PDGFD: variants seen among roughly 807,000 people sequenced by gnomAD.
PDGFD encodes the protein platelet derived growth factor D.
PDGFD carries 30 observed loss-of-function variants against 44.7 expected under a neutral mutation model. The observed-to-expected ratio is 0.67, with a 90% CI of 0.50 to 0.91. The LOEUF is 0.91. PDGFD is among the 40% of genes least tolerant of loss of function. The pLI is 0.00. For synonymous variants in PDGFD, 173 were observed against 168.4 expected (o/e 1.03, Z -0.21); for missense variants, 445 against 457.8 (o/e 0.97, Z 0.25).
intron 3 of PDGFD, among the ~76,000 whole-genome samples, chr11:103,950,571 AAAAT>A (rs112585777): frequency 9.2e-4 from 134 of 146,184 alleles, no homozygotes; most frequent in Non-Finnish European, 1.4e-3. Context: ...CTCAAAAGAA[AAAAT>A]AAATAAATAA....
At chr11:104,096,644 G>A (rs1452729699) in intron 1 of PDGFD, among the ~76,000 whole-genome samples, 2 of 152,124 alleles carry the variant, frequency 1.3e-5, no homozygotes, top group African/African-American at 4.8e-5. Context: ...TGTTACAGGT[G>A]TCTTATTACA....
chr11:104,095,721 T>C (rs1861275719), intron 1 of PDGFD, among the ~76,000 whole-genome samples: 2 of 152,208 alleles, frequency 1.3e-5, no homozygotes, highest in Admixed American at 1.3e-4. Context: ...TAGAAAAGTC[T>C]ATCATCTCTG....
At chr11:104,104,477 T>C (rs1307007086) in intron 1 of PDGFD, among the ~76,000 whole-genome samples, 2 of 152,156 alleles carry the variant, frequency 1.3e-5, no homozygotes, top group Non-Finnish European at 2.9e-5. Context: ...GTAACCACTG[T>C]ATATCTTTTA....
intron 1 of PDGFD, among the ~76,000 whole-genome samples, chr11:104,121,635 A>T (rs2134463905): frequency 6.6e-6 from 1 of 152,186 alleles, no homozygotes; most frequent in Admixed American, 6.6e-5. Context: ...AATAGACATA[A>T]AGTTAATCTT....
intron 4 of PDGFD, among the ~76,000 whole-genome samples, chr11:103,944,826 G>A (rs1329304991): frequency 2.0e-5 from 3 of 152,126 alleles, no homozygotes. Flanking sequence ...AGGCTTTAAA[G>A]CATTAATCTA....
chr11:104,063,675 G>A (rs899837130), intron 1 of PDGFD, among the ~76,000 whole-genome samples: 2 of 152,130 alleles, frequency 1.3e-5, no homozygotes, highest in African/African-American at 4.8e-5. Context: ...GAAGGTAAAG[G>A]GGAAGCAAGG....
intron 1 of PDGFD, among the ~76,000 whole-genome samples, chr11:104,012,814 G>C (rs1327954679): frequency 6.6e-6 from 1 of 152,158 alleles, no homozygotes. Flanking sequence ...GTAATATTTA[G>C]AGCTATGCAG....
intron 1 of PDGFD, among the ~76,000 whole-genome samples, chr11:104,131,479 C>A (rs1861918512): frequency 6.6e-6 from 1 of 151,896 alleles, no homozygotes; most frequent in South Asian, 2.1e-4. Context: ...TATTTGTTTA[C>A]TATTTCCCCC....
At chr11:103,950,953 A>C (rs1404576371) in intron 3 of PDGFD, among the ~76,000 whole-genome samples, 1 of 152,190 alleles carries the variant, frequency 6.6e-6, no homozygotes, top group African/African-American at 2.4e-5. Context: ...TATTTTGCTA[A>C]GATTTTTTTA....
chr11:104,118,249 G>C (rs1163549331), intron 1 of PDGFD, among the ~76,000 whole-genome samples: 3 of 151,638 alleles, frequency 2.0e-5, no homozygotes, highest in South Asian at 2.1e-4. Flanking sequence ...CATGAGAGTG[G>C]AGCCCTCATG....
chr11:104,101,440 A>G (rs960177141), intron 1 of PDGFD, among the ~76,000 whole-genome samples: 1 of 152,204 alleles, frequency 6.6e-6, no homozygotes, highest in African/African-American at 2.4e-5. Context: ...CCACTGCTCA[A>G]TGAAATAAAA....
At chr11:104,080,748 A>G (rs1861033248) in intron 1 of PDGFD, among the ~76,000 whole-genome samples, 1 of 152,208 alleles carries the variant, frequency 6.6e-6, no homozygotes, top group African/African-American at 2.4e-5. Context: ...TGAATAGTGA[A>G]TAAGTTGAAA....
At chr11:104,016,362 T>C (rs1859858166) in intron 1 of PDGFD, among the ~76,000 whole-genome samples, 1 of 152,202 alleles carries the variant, frequency 6.6e-6, no homozygotes, top group Non-Finnish European at 1.5e-5. Context: ...AGAAAAGGCC[T>C]TTCTTGACAT....
intron 1 of PDGFD, among the ~76,000 whole-genome samples, chr11:104,063,113 T>C (rs1202421763): frequency 6.6e-6 from 1 of 152,124 alleles, no homozygotes; most frequent in Non-Finnish European, 1.5e-5. Context: ...TGCTGCTAAA[T>C]AGTACAGAAT....
chr11:104,085,023 C>T (rs191714295), intron 1 of PDGFD, among the ~76,000 whole-genome samples: 120 of 150,276 alleles, frequency 8.0e-4, no homozygotes, highest in African/African-American at 2.6e-3. Context: ...TCTTACATAA[C>T]CATAGTATAT....
intron 3 of PDGFD, among the ~76,000 whole-genome samples, chr11:103,971,935 A>G (rs1339266347): frequency 1.3e-5 from 2 of 152,220 alleles, no homozygotes; most frequent in African/African-American, 2.4e-5. Context: ...AGGGAGGATT[A>G]TAGAAGAAAA....
chr11:104,082,394 C>T (rs928529150), intron 1 of PDGFD, among the ~76,000 whole-genome samples: 4 of 151,706 alleles, frequency 2.6e-5, no homozygotes, highest in Non-Finnish European at 4.4e-5. Flanking sequence ...TTGAAATTGG[C>T]CTTGAAGAAA....
At chr11:104,117,773 G>A (rs1861663652) in intron 1 of PDGFD, among the ~76,000 whole-genome samples, 1 of 151,868 alleles carries the variant, frequency 6.6e-6, no homozygotes, top group Non-Finnish European at 1.5e-5. Context: ...GTTCATGGAT[G>A]CGTACAATCA....
chr11:104,060,418 T>C (rs1860694346), intron 1 of PDGFD, among the ~76,000 whole-genome samples: 1 of 152,274 alleles, frequency 6.6e-6, no homozygotes, highest in East Asian at 1.9e-4. Context: ...CTATTTATAC[T>C]GGGCCTGGGT....
Sources: allele counts gnomAD v4.1 joint callset (sites outside exome capture counted in the v4.1 genomes callset), GRCh38; gene constraint gnomAD v4.1.1; transcripts MANE v1.5; gene names NCBI Gene and HGNC (gene_info 2026-07-23, HGNC 2026-07-21).